Variants in ODAD3 observed in about 807,000 individuals in gnomAD.
ODAD3 encodes outer dynein arm docking complex subunit 3.
Under a neutral mutation model 70.9 loss-of-function variants are expected in ODAD3, and 57 were observed. The ratio of observed to expected loss-of-function variants is 0.80; its 90% CI spans 0.65 to 1.00. The LOEUF (loss-of-function observed/expected upper bound fraction) is 1.00. ODAD3 is among the 50% of genes least tolerant of loss of function. The pLI, the probability that ODAD3 is intolerant of heterozygous loss-of-function variation, is 0.00. For synonymous variants in ODAD3, 327 were observed against 315.9 expected (o/e 1.04, Z -0.37); for missense variants, 797 against 763.9 (o/e 1.04, Z -0.51).
chr19:11,435,543 A>G (rs953851245), upstream of ODAD3: 2 of 556,066 alleles, frequency 3.6e-6, no homozygotes, highest in African/African-American at 1.9e-5. Flanking sequence ...CACCGCCCCC[A>G]CTCCTGCCTC....
chr19:11,421,090 C>G, intron 12 of ODAD3, 38 bp downstream of exon 12: 1 of 1,607,372 alleles, frequency 6.2e-7, no homozygotes, highest in Non-Finnish European at 8.5e-7. Flanking sequence ...CAGCTTGGGG[C>G]CCCAACCGCA....
At chr19:11,425,430 T>C (rs960601706) in intron 7 of ODAD3, among the ~76,000 whole-genome samples, 1,913 of 132,200 alleles carry the variant, frequency 0.014, 233 homozygotes, top group African/African-American at 0.053. Context: ...TATATACACA[T>C]ATGTGTATAT....
chr19:11,434,618 T>G, intron 1 of ODAD3, 155 bp downstream of exon 1: 1 of 894,196 alleles, frequency 1.1e-6, no homozygotes, highest in Non-Finnish European at 1.7e-6. Flanking sequence ...TGAGAAGTTT[T>G]AAGAGACAGA....
rs1349742175 is a variant in ODAD3 at position 11,425,232 on chromosome 19, T to G, written c.963+912A>C. On this transcript the variant is annotated intron_variant, in intron 7 of 12. Transcript: ENST00000356392. ...ACATATGTGTATATATGTGTGTATA[T>G]GTACATATGTGTATATATGTATATG... Among the ~76,000 whole-genome samples the G allele has an allele frequency of 3.6e-5, 5 of 138,948 alleles. 1 individual carries two copies. Among genetic ancestry groups the G allele is most frequent in the African/African-American group, 1.5e-4 (5 of 32,874 alleles). The allele number at this position is 138,948 out of a possible 152,430, so 91.2% of individuals were successfully genotyped here. A position where few individuals can be genotyped will look rare whatever the true frequency, so the allele number is the denominator to read the frequency against.
Position 11,420,732 on chromosome 19 carries a change from T to C in ODAD3, c.*103A>G. On this transcript the variant is annotated 3_prime_UTR_variant, in exon 13 of 13. Transcript: ENST00000356392. The stretch of plus-strand genomic sequence containing the variant: ...CGCCGCTGGCCGCCTCCGTTCCCGG[T>C]CCGGGCCGCGTTCAGCCCCTGAAGG... The C allele has an allele frequency of 1.0e-6, 1 of 998,870 alleles. No individual in the cohort carries two copies. The highest frequency in any genetic ancestry group is 1.5e-6 in the Non-Finnish European group (1 of 654,626). The allele number at this position is 998,870 out of a possible 1,614,324, so 61.9% of individuals were successfully genotyped here.
At position 11,423,983 on chromosome 19, in the gene ODAD3, T is replaced by C. The variant is rs1969203374; in HGVS notation, c.1010A>G (p.Asp337Gly). ...LLLQSDDTIQ[D>G]SLHAKEEELR... ...CTCCTCCTCCTTGGCATGCAGGCTG[T>C]CCTGGATGGTGTCGTCGGACTGTAG... Residue 337 changes from aspartate to glycine, a missense_variant, in exon 8 of 13, where the codon GAC (aspartate) becomes GGC (glycine). Transcript: ENST00000356392. 1.2e-6 allele frequency: 2 copies of C among 1,612,826 alleles called. No homozygotes were observed. The highest frequency in any genetic ancestry group is 2.7e-5 in the African/African-American group (2 of 75,004).
In ODAD3 at chr19:11,422,320, TC is replaced by T. The variant is rs1969156622; in HGVS notation, c.1434+150del. ...GGACTCTGAGGAATGGGGTGGGGCT[TC>T]CCCTGTGGGCGGGGCCTCTGACGTC... On this transcript the variant is annotated intron_variant, in intron 10 of 12. Coordinates refer to ENST00000356392, the MANE Select transcript of ODAD3 (RefSeq NM_145045.5). This position sits in a 1 kb window ranked among gnomAD's most constrained non-coding sequence, Gnocchi z 4.6. 1 of 964,740 alleles carries T rather than the reference TC, an allele frequency of 1.0e-6. No individual in the cohort carries two copies. Among genetic ancestry groups the T allele is most frequent in the Non-Finnish European group, 1.5e-6 (1 of 677,426 alleles). 59.8% of individuals were successfully genotyped at this position (964,740 alleles called of 1,614,324 possible).
chr19:11,428,144 C>T (rs1380218466), intron 3 of ODAD3, among the ~76,000 whole-genome samples: 1 of 152,018 alleles, frequency 6.6e-6, no homozygotes, highest in Non-Finnish European at 1.5e-5. Flanking sequence ...CTATGTGGCT[C>T]AGGCTGGTCG....
chr19:11,429,086 CCAG>C (rs1272282751), intron 3 of ODAD3, among the ~76,000 whole-genome samples: 1 of 149,332 alleles, frequency 6.7e-6, no homozygotes, highest in African/African-American at 2.5e-5. Flanking sequence ...GCCATGTTGG[CCAG>C]GCTGGTCTCA....
chr19:11,430,625 G>T, intron 3 of ODAD3, 74 bp downstream of exon 3: 2 of 1,372,572 alleles, frequency 1.5e-6, no homozygotes, highest in Non-Finnish European at 2.1e-6. Flanking sequence ...GATTGGAGAG[G>T]GTGAGCCTGG....
intron 1 of ODAD3, 40 bp from the exon 2 acceptor site, chr19:11,431,060 G>C (rs1278403947): frequency 6.2e-7 from 1 of 1,613,374 alleles, no homozygotes; most frequent in Non-Finnish European, 8.5e-7. Context: ...CAGTTACTGG[G>C]TGGGTGCATG....
rs2144752433 is a variant in ODAD3, at chr19:11,421,125, G to A, written c.1675+3C>T. On this transcript the variant is annotated splice_donor_region_variant and intron_variant, in intron 12 of 12. Transcript: ENST00000356392. ...ACCCCTTCATCCCCCCACCCATACT[G>A]ACCAAAAAACTTGTCCTTGGAAGTG... 2.5e-6 allele frequency: 4 copies of A among 1,612,486 alleles called. No homozygotes were observed. Among genetic ancestry groups the A allele is most frequent in the Non-Finnish European group, 3.4e-6 (4 of 1,179,706 alleles).
intron 6 of ODAD3, 69 bp from the exon 7 acceptor site, chr19:11,426,335 G>C (rs1969373626): frequency 6.2e-7 from 1 of 1,608,278 alleles, no homozygotes; most frequent in Non-Finnish European, 8.5e-7. Flanking sequence ...GGTGCTGGGA[G>C]ATAGATGGGG....
chr19:11,428,015 G>A (rs780287287), intron 3 of ODAD3, among the ~76,000 whole-genome samples: 36 of 151,844 alleles, frequency 2.4e-4, no homozygotes, highest in African/African-American at 8.7e-4. Flanking sequence ...CAGAAGAATG[G>A]CGAGAACCCG....
chr19:11,422,487 A>C lies in ODAD3; in HGVS notation c.1418T>G (p.Leu473Arg), dbSNP rs769718807. 1 of 1,593,704 alleles carries C rather than the reference A, an allele frequency of 6.3e-7. No homozygotes were observed. The highest frequency in any genetic ancestry group is 8.5e-7 in the Non-Finnish European group (1 of 1,171,734). The change falls in exon 10 of 13, where the codon CTG (leucine) becomes CGG (arginine). Residue 473 changes from leucine to arginine, a missense_variant. Physicochemically the swap from Leu to Arg is moderately radical, Grantham distance 102. Transcript: ENST00000356392. The surrounding 1 kb of genome is among the most constrained non-coding windows in gnomAD (Gnocchi z 4.6). ...GGGGCCTACCACAGTGATGTGGATCAGCTTGCTGGCCAGGTGCTCCAGGCT... is the reference window on the plus strand; with the variant it reads ...GGGGCCTACCACAGTGATGTGGATCCGCTTGCTGGCCAGGTGCTCCAGGCT... ...KDSLEHLASK[L>R]IHITVEDGRF...
Position 11,430,785 on chromosome 19 carries a change from A to G in ODAD3, c.367-9T>C. On this transcript the variant is annotated splice_polypyrimidine_tract_variant and intron_variant, in intron 2 of 12. Transcript: ENST00000356392. ...ACCACTTTCTCATCTCCCTGCAAGG[A>G]GGGAAGTCCAGTCACCTTTCAGCAT... 17 of 1,614,034 alleles carry G rather than the reference A, an allele frequency of 1.1e-5. No homozygotes were observed. The highest frequency in any genetic ancestry group is 1.4e-5 in the Non-Finnish European group (17 of 1,180,008).
chr19:11,422,919 C>T lies in ODAD3; in HGVS notation c.1117-58G>A, dbSNP rs1969176471. ...GCCTAGGGAGCGTAGGGGCGCTCCA[C>T]CTCCTCTCCCCCACCCTGCGAACCC... is the stretch of plus-strand genomic sequence containing the variant. On this transcript the variant is annotated intron_variant, in intron 8 of 12. Transcript: ENST00000356392. This position sits in a 1 kb window ranked among gnomAD's most constrained non-coding sequence, Gnocchi z 4.6. 2 of 1,552,854 alleles carry T rather than the reference C, an allele frequency of 1.3e-6. No individual in the cohort carries two copies. The highest frequency in any genetic ancestry group is 1.1e-5 in the South Asian group (1 of 87,320).
At chr19:11,433,461 G>A (rs1459763321) in intron 1 of ODAD3, among the ~76,000 whole-genome samples, 2 of 152,216 alleles carry the variant, frequency 1.3e-5, no homozygotes, top group African/African-American at 4.8e-5. Context: ...ACTTTGCTAT[G>A]TGCCAGGCAC....
chr19:11,425,388 CAT>C (rs1457817306), intron 7 of ODAD3, among the ~76,000 whole-genome samples: 2,297 of 113,600 alleles, frequency 0.02, 251 homozygotes, highest in African/African-American at 0.071. Context: ...TGTGTATGTA[CAT>C]ATGTGTATAT....
Sources: allele counts gnomAD v4.1 joint callset (sites outside exome capture counted in the v4.1 genomes callset), GRCh38; gene constraint gnomAD v4.1.1; non-coding constraint Gnocchi (gnomAD v3.1); transcripts MANE v1.5; gene names NCBI Gene and HGNC (gene_info 2026-07-23, HGNC 2026-07-21).